The following COCH variants were observed in gnomAD, a reference collection of about 807,000 sequenced individuals.
The protein encoded by COCH is cochlin, also known as coagulation factor C homolog, cochlin (Limulus polyphemus).
COCH carries 40 observed loss-of-function variants against 54.8 expected under a neutral mutation model. The observed-to-expected ratio is 0.73, with a 90% CI of 0.57 to 0.95. COCH has a LOEUF of 0.95. Among genes scored for constraint, COCH ranks in the 40% least tolerant of loss-of-function variants. The pLI, the probability that COCH is intolerant of heterozygous loss-of-function variation, is 0.00. For synonymous variants in COCH, 256 were observed against 237.9 expected (o/e 1.08, Z -0.70); for missense variants, 605 against 675.0 (o/e 0.90, Z 1.15).
intron 9 of COCH, chr14:30,885,053 T>C: frequency 6.3e-7 from 1 of 1,594,586 alleles, no homozygotes. Flanking sequence ...TACTAATCAG[T>C]CACCAAAGGG....
chr14:30,895,396 C>G, downstream of COCH: 1 of 1,585,628 alleles, frequency 6.3e-7, no homozygotes, highest in Non-Finnish European at 8.6e-7. Context: ...TGTTACGATG[C>G]AAGTTTTTGT....
At chr14:30,889,440 G>A (rs1180246388) in intron 11 of COCH, 176 bp from the exon 12 acceptor site, 1 of 614,366 alleles carries the variant, frequency 1.6e-6, no homozygotes, top group Non-Finnish European at 2.9e-6. Flanking sequence ...CCACTCTTTT[G>A]CCACTCTCGT....
In COCH at chr14:30,880,474, C is replaced by G. The variant is rs773617215; in HGVS notation, c.459C>G (p.Pro153=). The G allele has an allele frequency of 1.2e-6, 2 of 1,613,842 alleles. No individual in the cohort carries two copies. The highest frequency in any genetic ancestry group is 1.7e-6 in the Non-Finnish European group (2 of 1,180,010). ...PPTGKRLKKT[P]EKKTGNKDCK... ...CAGGTAAACGACTAAAGAAAACACC[C>G]GAGAAGAAAACTGGCAATAAAGGTA... Residue 153 remains proline, a synonymous_variant, in exon 7 of 12, where the codon CCC becomes CCG. Coordinates refer to ENST00000396618, the MANE Select transcript of COCH (RefSeq NM_004086.3).
At chr14:30,892,936 C>G (rs1896021282), downstream of COCH, among the ~76,000 whole-genome samples, 1 of 152,090 alleles carries the variant, frequency 6.6e-6, no homozygotes, top group Non-Finnish European at 1.5e-5. Context: ...CCCCCAGCAA[C>G]AGCAGCAAGC....
In COCH at chr14:30,877,885, T is replaced by C. The variant is rs914765614; in HGVS notation, c.239+157T>C. Among the ~76,000 whole-genome samples, 6 of 152,234 alleles carry C rather than the reference T, an allele frequency of 3.9e-5. No individual in the cohort carries two copies. The highest frequency in any genetic ancestry group is 5.9e-5 in the Non-Finnish European group (4 of 68,044). Reference sequence around the variant, plus strand: ...ATTTTCACGGTTCTCCTGGATATACTTGAAACACCAAATACACATGGAAAG... The same window carrying C: ...ATTTTCACGGTTCTCCTGGATATACCTGAAACACCAAATACACATGGAAAG... On this transcript the variant is annotated intron_variant, in intron 4 of 11. Coordinates refer to ENST00000396618, the MANE Select transcript of COCH (RefSeq NM_004086.3). The surrounding 1 kb of genome is among the most constrained non-coding windows in gnomAD (Gnocchi z 8.6).
At chr14:30,878,481 AC>A (rs1390524848) in intron 4 of COCH, among the ~76,000 whole-genome samples, 1 of 152,092 alleles carries the variant, frequency 6.6e-6, no homozygotes, top group African/African-American at 2.4e-5. Flanking sequence ...ACATGGTGAA[AC>A]CCTGTCTCTA....
Position 30,875,089 on chromosome 14 carries a change from G to A in COCH, c.68G>A (p.Gly23Asp), listed in dbSNP as rs576712224. The A allele has an allele frequency of 1.3e-6, 2 of 1,581,860 alleles. No individual in the cohort carries two copies. The highest frequency in any genetic ancestry group is 1.1e-5 in the South Asian group (1 of 87,920). The stretch of plus-strand genomic sequence containing the variant: ...CTGCTGCTGCTGCCGGGGCCCGCGG[G>A]CAGCGAGGGAGCCGGTGAGTGGGGG... ...VCLLLLPGPA[G>D]SEGAAPIAIT... Residue 23 changes from glycine (G) to aspartate (D), a missense_variant, in exon 3 of 12, where the codon GGC (glycine) becomes GAC (aspartate). Gly to Asp is a moderately conservative substitution (Grantham distance 94). Coordinates refer to ENST00000396618, the MANE Select transcript of COCH (RefSeq NM_004086.3).
chr14:30,884,144 C>A (rs1895703613), intron 8 of COCH, among the ~76,000 whole-genome samples: 1 of 152,198 alleles, frequency 6.6e-6, no homozygotes, highest in Non-Finnish European at 1.5e-5. Context: ...ATTTCAAGTT[C>A]TCCGTATAGT....
At chr14:30,890,912 GT>G (rs1312666586), downstream of COCH, among the ~76,000 whole-genome samples, 1 of 151,976 alleles carries the variant, frequency 6.6e-6, no homozygotes, top group East Asian at 1.9e-4. Context: ...GATGGTGCAT[GT>G]CTGTAGTCTG....
At chr14:30,885,127 T>C (rs1416582011) in intron 9 of COCH, 2 of 1,513,906 alleles carry the variant, frequency 1.3e-6, no homozygotes, top group African/African-American at 2.8e-5. Context: ...GCGATTGATG[T>C]GGGGTAAACA....
chr14:30,882,731 T>C (rs1049187979), intron 8 of COCH, among the ~76,000 whole-genome samples: 1 of 152,126 alleles, frequency 6.6e-6, no homozygotes, highest in Non-Finnish European at 1.5e-5. Flanking sequence ...CTGATATAAA[T>C]AGTGAAATTG....
chr14:30,878,726 C>A, intron 4 of COCH, 85 bp from the exon 5 acceptor site: 1 of 1,576,642 alleles, frequency 6.3e-7, no homozygotes, highest in East Asian at 2.2e-5. Flanking sequence ...TTAATCAAAG[C>A]AATAGATACA....
chr14:30,882,884 A>G (rs997782642), intron 8 of COCH, among the ~76,000 whole-genome samples: 7 of 152,306 alleles, frequency 4.6e-5, no homozygotes, highest in African/African-American at 1.7e-4. Context: ...GAAAGACCCC[A>G]TCTCTAAAAA....
intron 6 of COCH, among the ~76,000 whole-genome samples, chr14:30,879,818 G>A (rs973230442): frequency 6.6e-6 from 1 of 151,694 alleles, no homozygotes; most frequent in South Asian, 2.1e-4. Context: ...CAATTTTTTT[G>A]ATTTTTAATT....
intron 8 of COCH, among the ~76,000 whole-genome samples, chr14:30,882,289 C>G (rs985113688): frequency 3.3e-5 from 5 of 151,622 alleles, no homozygotes; most frequent in Non-Finnish European, 7.4e-5. Context: ...ACTACTACGC[C>G]TGGCTAATTT....
chr14:30,894,897 T>TTC (rs1555313203), downstream of COCH: 10 of 1,041,602 alleles, frequency 9.6e-6, no homozygotes, highest in African/African-American at 8.7e-5. Context: ...CTTTTTCTTT[T>TTC]TTTTTTTTTT....
downstream of COCH, among the ~76,000 whole-genome samples, chr14:30,893,197 G>A (rs1027356346): frequency 2.9e-4 from 40 of 138,788 alleles, no homozygotes; most frequent in South Asian, 2.3e-4. Flanking sequence ...TGTCACCCAG[G>A]CTGGAGTGCA....
At chr14:30,884,324 C>T (rs1167770767) in intron 8 of COCH, 8 of 508,764 alleles carry the variant, frequency 1.6e-5, no homozygotes, top group Non-Finnish European at 2.5e-5. Context: ...ATGCTTTTGG[C>T]TTATTACCCA....
intron 4 of COCH, among the ~76,000 whole-genome samples, chr14:30,878,068 C>A (rs1895433333): frequency 6.6e-6 from 1 of 152,178 alleles, no homozygotes; most frequent in African/African-American, 2.4e-5. Flanking sequence ...AATTTTACTC[C>A]AGTTACAGAT....
Sources: gnomAD v4.1 joint callset for allele counts (sites outside exome capture counted in the v4.1 genomes callset) on GRCh38, gnomAD v4.1.1 for gene constraint, Gnocchi (gnomAD v3.1) non-coding constraint, MANE v1.5 for transcripts, NCBI Gene and HGNC (gene_info 2026-07-23, HGNC 2026-07-21) for gene names.